The following CAMSAP1 variants were observed in gnomAD, a reference collection of about 807,000 sequenced individuals.
CAMSAP1 encodes the protein calmodulin-regulated spectrin-associated protein 1.
CAMSAP1 carries 58 observed loss-of-function variants against 143.5 expected under a neutral mutation model. The observed-to-expected ratio is 0.40, with a 90% CI of 0.33 to 0.50. The LOEUF (loss-of-function observed/expected upper bound fraction) is 0.50, where lower values mean the gene tolerates loss of function less well. Ranked by LOEUF, CAMSAP1 falls within the 20% of genes least tolerant of loss-of-function variation. The probability of loss-of-function intolerance (pLI) is 0.45; values close to 1 mark genes in which losing one functional copy is unlikely to be tolerated. For missense variants in CAMSAP1, 1,969 were observed against 2,115.7 expected (o/e 0.93, Z 1.36); for synonymous variants, 945 against 859.3 (o/e 1.10, Z -1.74).
chr9:135,818,919 G>C lies in CAMSAP1; in HGVS notation c.3959+91C>G, dbSNP rs1209986334. On this transcript the variant is annotated intron_variant, in intron 12 of 16. Transcript: ENST00000389532. The surrounding 1 kb of genome is among the most constrained non-coding windows in gnomAD (Gnocchi z 7.7). Reference sequence around the variant, plus strand: ...ACCGTCACAGGCACTCATTGCCATGGTCCATGCTCAGTGCCAGCAACGGGA... The same window carrying C: ...ACCGTCACAGGCACTCATTGCCATGCTCCATGCTCAGTGCCAGCAACGGGA... The C allele has an allele frequency of 4.4e-5, 68 of 1,528,798 alleles. No individual in the cohort carries two copies. Among genetic ancestry groups the C allele is most frequent in the Non-Finnish European group, 5.5e-5 (63 of 1,138,600 alleles). 94.7% of individuals were successfully genotyped at this position (1,528,798 alleles called of 1,614,324 possible). A position where few individuals can be genotyped will look rare whatever the true frequency, so the allele number is the denominator to read the frequency against.
intron 16 of CAMSAP1, among the ~76,000 whole-genome samples, chr9:135,814,286 A>C (rs910860581): frequency 6.6e-6 from 1 of 152,254 alleles, no homozygotes; most frequent in Non-Finnish European, 1.5e-5. Context: ...AATTTTTACA[A>C]CTAAACCAAC....
intron 7 of CAMSAP1, among the ~76,000 whole-genome samples, chr9:135,835,584 G>T (rs1835998323): frequency 6.6e-6 from 1 of 152,232 alleles, no homozygotes; most frequent in Admixed American, 6.5e-5. Context: ...CCCATGAGAA[G>T]AAACCAAGAA....
At chr9:135,819,178 G>A (rs771329615) in intron 11 of CAMSAP1, 32 bp from the exon 12 acceptor site, 1 of 1,584,684 alleles carries the variant, frequency 6.3e-7, no homozygotes, top group South Asian at 1.1e-5. Context: ...GAGCATGACA[G>A]GAACCCCCTC....
chr9:135,862,357 A>C, intron 5 of CAMSAP1, 110 bp downstream of exon 5: 1 of 1,247,332 alleles, frequency 8.0e-7, no homozygotes, highest in Non-Finnish European at 1.1e-6. Context: ...TATATTAAGG[A>C]TTCCATTTTC....
chr9:135,857,859 A>G (rs527302978), intron 5 of CAMSAP1, among the ~76,000 whole-genome samples: 76 of 152,324 alleles, frequency 5.0e-4, no homozygotes, highest in Middle Eastern at 6.8e-3. Context: ...AATTTTACAC[A>G]AAAGCCCTGA....
intron 4 of CAMSAP1, among the ~76,000 whole-genome samples, chr9:135,864,277 T>G (rs1339584541): frequency 6.6e-6 from 1 of 152,198 alleles, no homozygotes; most frequent in Admixed American, 6.5e-5. Context: ...GCTTTGATAT[T>G]TAGCTCTTCA....
At chr9:135,812,615 A>G (rs1216352915) in intron 16 of CAMSAP1, among the ~76,000 whole-genome samples, 1 of 152,206 alleles carries the variant, frequency 6.6e-6, no homozygotes, top group Non-Finnish European at 1.5e-5. Context: ...TAATGTACTA[A>G]AAACCACTGA....
At chr9:135,885,924 T>C (rs1358587329) in intron 1 of CAMSAP1, among the ~76,000 whole-genome samples, 1 of 152,222 alleles carries the variant, frequency 6.6e-6, no homozygotes, top group Admixed American at 6.5e-5. Context: ...CACTCCTCCA[T>C]GGCCCTGCTG....
Position 135,901,256 on chromosome 9 carries a change from G to A in CAMSAP1, c.160+5744C>T, listed in dbSNP as rs76861622. ...CTCCATAGATTCAGCTTGTATATCTGTTGGCTCTATCTACCCTTCCTATTC... is the reference window on the plus strand; with the variant it reads ...CTCCATAGATTCAGCTTGTATATCTATTGGCTCTATCTACCCTTCCTATTC... On this transcript the variant is annotated intron_variant, in intron 1 of 16. Coordinates refer to ENST00000389532, the MANE Select transcript of CAMSAP1 (RefSeq NM_015447.4). Among the ~76,000 whole-genome samples the A allele has an allele frequency of 6.3e-3, 964 of 152,260 alleles. 5 individuals are homozygous for A. The highest frequency in any genetic ancestry group is 0.022 in the African/African-American group (896 of 41,536).
intron 7 of CAMSAP1, among the ~76,000 whole-genome samples, chr9:135,828,163 C>T (rs1247037951): frequency 2.6e-5 from 4 of 152,254 alleles, no homozygotes; most frequent in Non-Finnish European, 5.9e-5. Flanking sequence ...TGGCCCACGC[C>T]TGCTCACCCG....
chr9:135,842,522 A>G (rs1193070704), intron 7 of CAMSAP1, among the ~76,000 whole-genome samples: 1 of 152,178 alleles, frequency 6.6e-6, no homozygotes, highest in Non-Finnish European at 1.5e-5. Context: ...GAGAAGAGCA[A>G]CCCCAAGACG....
Position 135,822,000 on chromosome 9 carries a change from C to T in CAMSAP1, c.2661G>A (p.Glu887=). Residue 887 remains glutamate, a synonymous_variant, in exon 11 of 17, where the codon GAG becomes GAA. Coordinates refer to ENST00000389532, the MANE Select transcript of CAMSAP1 (RefSeq NM_015447.4). This position sits in a 1 kb window ranked among gnomAD's most constrained non-coding sequence, Gnocchi z 4.6. ...ELVQLHMQLE[E]KRRAIEAQKK... Reference sequence around the variant, plus strand: ...TCTGGGCCTCGATGGCCCTGCGCTTCTCCTCCAGCTGCATGTGCAGCTGTA... The same window carrying T: ...TCTGGGCCTCGATGGCCCTGCGCTTTTCCTCCAGCTGCATGTGCAGCTGTA... 1.9e-6 allele frequency: 3 copies of T among 1,613,094 alleles called. No individual in the cohort carries two copies. The highest frequency in any genetic ancestry group is 2.5e-6 in the Non-Finnish European group (3 of 1,179,710).
chr9:135,845,032 A>G (rs1836501745), intron 7 of CAMSAP1, among the ~76,000 whole-genome samples: 1 of 152,210 alleles, frequency 6.6e-6, no homozygotes, highest in African/African-American at 2.4e-5. Flanking sequence ...GGCCAGCATC[A>G]TCGTGATACC....
chr9:135,904,737 G>C (rs1474776369), intron 1 of CAMSAP1, among the ~76,000 whole-genome samples: 1 of 152,126 alleles, frequency 6.6e-6, no homozygotes, highest in Non-Finnish European at 1.5e-5. Context: ...GGGAGGCCAA[G>C]GCAGGCGGAT....
intron 1 of CAMSAP1, among the ~76,000 whole-genome samples, chr9:135,886,697 G>A (rs1001161587): frequency 1.3e-5 from 2 of 152,186 alleles, no homozygotes; most frequent in African/African-American, 2.4e-5. Flanking sequence ...AGGACGAGGA[G>A]ATCCCATCTG....
At chr9:135,849,136 A>T (rs1254499301) in intron 7 of CAMSAP1, among the ~76,000 whole-genome samples, 5 of 152,244 alleles carry the variant, frequency 3.3e-5, no homozygotes, top group African/African-American at 1.2e-4. Flanking sequence ...CACTGAATAC[A>T]CTTAACCTAG....
intron 3 of CAMSAP1, among the ~76,000 whole-genome samples, chr9:135,878,723 C>T (rs958628815): frequency 3.9e-5 from 6 of 152,150 alleles, no homozygotes; most frequent in African/African-American, 1.4e-4. Context: ...GGAACTCGCA[C>T]TTCCTACACA....
intron 3 of CAMSAP1, among the ~76,000 whole-genome samples, chr9:135,874,056 T>C (rs1171963035): frequency 1.3e-5 from 2 of 152,188 alleles, no homozygotes; most frequent in Non-Finnish European, 2.9e-5. Context: ...ATGAAAGGGC[T>C]GGTTCAACAT....
intron 1 of CAMSAP1, among the ~76,000 whole-genome samples, chr9:135,891,603 G>T (rs1378471053): frequency 6.6e-6 from 1 of 152,174 alleles, no homozygotes; most frequent in Non-Finnish European, 1.5e-5. Flanking sequence ...ACTTTAACAG[G>T]ACCCAGAAAC....
Sources: gnomAD v4.1 joint callset for allele counts (sites outside exome capture counted in the v4.1 genomes callset) on GRCh38, gnomAD v4.1.1 for gene constraint, Gnocchi (gnomAD v3.1) non-coding constraint, MANE v1.5 for transcripts, NCBI Gene and HGNC (gene_info 2026-07-23, HGNC 2026-07-21) for gene names.